The following CCNJL variants were observed in gnomAD, a reference collection of about 807,000 sequenced individuals.
CCNJL encodes the protein cyclin J like.
In CCNJL, 33 loss-of-function variants were observed where a neutral mutation model predicts 33.4. That is an observed-to-expected ratio of 0.99 (90% CI 0.75 to 1.32). CCNJL has a LOEUF of 1.32. Among genes scored for constraint, CCNJL ranks in the 40% most tolerant of loss-of-function variants. CCNJL has a pLI of 0.00. For missense variants in CCNJL, 512 were observed against 499.7 expected, an observed-to-expected ratio of 1.02 and a Z score of -0.23; for synonymous variants, 227 against 220.9, an observed-to-expected ratio of 1.03 and a Z score of -0.24.
chr5:160,270,188 A>G (rs1472535374), intron 3 of CCNJL, among the ~76,000 whole-genome samples: 1 of 152,120 alleles, frequency 6.6e-6, no homozygotes, highest in Non-Finnish European at 1.5e-5. Context: ...TCACGCCTGT[A>G]ATCCCAGCAC....
At chr5:160,317,596 A>T (rs1286172446), upstream of CCNJL, among the ~76,000 whole-genome samples, 1 of 152,194 alleles carries the variant, frequency 6.6e-6, no homozygotes, top group Non-Finnish European at 1.5e-5. Flanking sequence ...TGACATTCAA[A>T]GGGAGCAGAA....
At chr5:160,285,534 G>A (rs1374536958) in intron 2 of CCNJL, among the ~76,000 whole-genome samples, 1 of 152,060 alleles carries the variant, frequency 6.6e-6, no homozygotes, top group Non-Finnish European at 1.5e-5. Flanking sequence ...CCAACAGAGG[G>A]AAGTCGTGAC....
At chr5:160,299,072 G>A (rs759696671) in intron 2 of CCNJL, among the ~76,000 whole-genome samples, 4 of 152,000 alleles carry the variant, frequency 2.6e-5, no homozygotes, top group Non-Finnish European at 5.9e-5. Flanking sequence ...TGGACCTCCC[G>A]TGCTCAAGCA....
intron 2 of CCNJL, among the ~76,000 whole-genome samples, chr5:160,307,151 C>G (rs1763119690): frequency 1.3e-5 from 2 of 152,226 alleles, no homozygotes; most frequent in Admixed American, 6.5e-5. Flanking sequence ...TTGGGGCTGT[C>G]TCACTCTTTT....
At chr5:160,284,694 A>G (rs1272953615) in intron 2 of CCNJL, among the ~76,000 whole-genome samples, 1 of 152,194 alleles carries the variant, frequency 6.6e-6, no homozygotes, top group Non-Finnish European at 1.5e-5. Context: ...GGACTCAGCT[A>G]TTTTTCGCAG....
chr5:160,278,760 G>A (rs777805946), intron 3 of CCNJL, among the ~76,000 whole-genome samples: 19 of 152,296 alleles, frequency 1.2e-4, no homozygotes, highest in South Asian at 6.2e-4. Flanking sequence ...CCAGCGGGCC[G>A]CGATGCAGCC....
intron 1 of CCNJL, among the ~76,000 whole-genome samples, chr5:160,328,423 C>G (rs997614252): frequency 6.6e-6 from 1 of 151,906 alleles, no homozygotes; most frequent in Non-Finnish European, 1.5e-5. Flanking sequence ...TGGAATAACG[C>G]GGATGAAGAG....
chr5:160,319,450 A>C (rs371980972), intron 1 of CCNJL, among the ~76,000 whole-genome samples: 110 of 152,314 alleles, frequency 7.2e-4, no homozygotes, highest in African/African-American at 2.5e-3. Context: ...AATCACTGAG[A>C]GCAGGCTTCC....
chr5:160,291,036 T>TAAAAAAAAAAAAAAAAA (rs1177369719), intron 2 of CCNJL, among the ~76,000 whole-genome samples: 3 of 57,536 alleles, frequency 5.2e-5, no homozygotes, highest in South Asian at 7.0e-4. Flanking sequence ...CGTCTTTACT[T>TAAAAAAAAAAAAAAAAA]AAAAAAAAAA....
intron 1 of CCNJL, among the ~76,000 whole-genome samples, chr5:160,335,810 C>CT (rs1274413214): frequency 2.0e-5 from 3 of 150,790 alleles, no homozygotes; most frequent in African/African-American, 7.3e-5. Flanking sequence ...TCTCAAATTC[C>CT]TGGCTTCAAG....
Position 160,307,406 on chromosome 5 carries a change from C to T in CCNJL, c.66+4452G>A, listed in dbSNP as rs185026096. On this transcript the variant is annotated intron_variant, in intron 2 of 5. Transcript: ENST00000257536. ...AGGCTTAAGGGACAAGGAACGTGGCCCTCAAGCTGCATACCATCCAATGCT... is the reference window on the plus strand; with the variant it reads ...AGGCTTAAGGGACAAGGAACGTGGCTCTCAAGCTGCATACCATCCAATGCT... Among the ~76,000 whole-genome samples, 22 of 152,234 alleles carry T rather than the reference C, an allele frequency of 1.4e-4. No homozygotes were observed. In the East Asian group the frequency reaches 4.1e-3, roughly 28 times the overall value.
In CCNJL at chr5:160,301,990, A is replaced by G. The variant is rs1762939772; in HGVS notation, c.66+9868T>C. Among the ~76,000 whole-genome samples the G allele has an allele frequency of 4.6e-5, 7 of 152,098 alleles. No homozygotes were observed. In the South Asian group the frequency reaches 1.5e-3, roughly 32 times the overall value. ...TGTGATCCACCCACCTCGGCCTCCC[A>G]AAGTGCTGGGATTACAGGCATGAGC... On this transcript the variant is annotated intron_variant, in intron 2 of 5. Coordinates refer to ENST00000257536, the MANE Select transcript of CCNJL (RefSeq NM_001308173.3).
chr5:160,259,611 A>G lies in CCNJL; in HGVS notation c.441T>C (p.Pro147=). Residue 147 remains proline (P), a synonymous_variant, in exon 4 of 6, where the codon CCT becomes CCC. Transcript: ENST00000257536. ...AFSWNLCLPT[P]AHFLDYYLLA... Reference sequence around the variant, plus strand: ...AGAGGTAGTAGTCCAGGAAGTGGGCAGGCGTGGGCAGGCAGAGGTTCCAGC... The same window carrying G: ...AGAGGTAGTAGTCCAGGAAGTGGGCGGGCGTGGGCAGGCAGAGGTTCCAGC... 1 of 1,614,144 alleles carries G rather than the reference A, an allele frequency of 6.2e-7. No individual in the cohort carries two copies. The highest frequency in any genetic ancestry group is 8.5e-7 in the Non-Finnish European group (1 of 1,180,006).
At chr5:160,309,008 G>A (rs1763181810) in intron 2 of CCNJL, among the ~76,000 whole-genome samples, 1 of 152,218 alleles carries the variant, frequency 6.6e-6, no homozygotes, top group South Asian at 2.1e-4. Context: ...TGGCTTAAGA[G>A]CAATGGCATG....
At chr5:160,325,983 C>T (rs560545846) in intron 1 of CCNJL, among the ~76,000 whole-genome samples, 3 of 152,244 alleles carry the variant, frequency 2.0e-5, no homozygotes, top group Admixed American at 6.5e-5. Flanking sequence ...ATTTGCTATC[C>T]AGCCCTTTAC....
intron 1 of CCNJL, among the ~76,000 whole-genome samples, chr5:160,323,711 A>C (rs1169973735): frequency 6.6e-6 from 1 of 152,212 alleles, no homozygotes; most frequent in Non-Finnish European, 1.5e-5. Flanking sequence ...TGATCTGGGT[A>C]TATCTGTGGG....
At chr5:160,328,822 G>A (rs1044800383) in intron 1 of CCNJL, among the ~76,000 whole-genome samples, 5 of 151,802 alleles carry the variant, frequency 3.3e-5, no homozygotes, top group African/African-American at 1.2e-4. Context: ...GGAGGTTGCA[G>A]TGAGCCAAGA....
At chr5:160,290,566 C>T (rs1446475735) in intron 2 of CCNJL, among the ~76,000 whole-genome samples, 1 of 152,124 alleles carries the variant, frequency 6.6e-6, no homozygotes, top group African/African-American at 2.4e-5. Flanking sequence ...CCATGCCTGG[C>T]CTAAAAGTCA....
chr5:160,311,191 G>C (rs1429421123), intron 2 of CCNJL, among the ~76,000 whole-genome samples: 1 of 152,088 alleles, frequency 6.6e-6, no homozygotes, highest in Non-Finnish European at 1.5e-5. Context: ...CATTTCAGCT[G>C]CTCCCACCCA....
Sources: allele counts gnomAD v4.1 joint callset (sites outside exome capture counted in the v4.1 genomes callset), GRCh38; gene constraint gnomAD v4.1.1; transcripts MANE v1.5; gene names NCBI Gene and HGNC (gene_info 2026-07-23, HGNC 2026-07-21).